The following SPATA16 variants were observed in gnomAD, a reference collection of about 807,000 sequenced individuals.
The protein encoded by SPATA16 is spermatogenesis associated 16, also known as spermatogenesis-associated protein 16.
SPATA16 carries 36 observed loss-of-function variants against 63.3 expected under a neutral mutation model. The observed-to-expected ratio is 0.57, with a 90% CI of 0.44 to 0.75. The LOEUF is 0.75. SPATA16 is among the 30% of genes least tolerant of loss of function. SPATA16 has a pLI of 0.00. For synonymous variants in SPATA16, 203 were observed against 216.7 expected (o/e 0.94, Z 0.56); for missense variants, 646 against 679.3 (o/e 0.95, Z 0.54).
intron 8 of SPATA16, among the ~76,000 whole-genome samples, chr3:172,922,989 G>C (rs115051353): frequency 2.0e-5 from 3 of 152,052 alleles, no homozygotes; most frequent in African/African-American, 7.3e-5. Flanking sequence ...AAAAAACAAA[G>C]AGCTAGGCCA....
intron 4 of SPATA16, among the ~76,000 whole-genome samples, chr3:172,979,134 G>A (rs1734237720): frequency 6.6e-6 from 1 of 152,206 alleles, no homozygotes; most frequent in African/African-American, 2.4e-5. Flanking sequence ...CTACTCGGGA[G>A]GCTGAGGCAG....
intron 4 of SPATA16, among the ~76,000 whole-genome samples, chr3:172,995,531 G>C (rs1165751988): frequency 6.6e-6 from 1 of 151,972 alleles, no homozygotes; most frequent in Non-Finnish European, 1.5e-5. Context: ...GAGATATAAC[G>C]TATAGAAAAA....
intron 2 of SPATA16, among the ~76,000 whole-genome samples, chr3:173,087,000 T>C (rs954663121): frequency 2.6e-5 from 4 of 152,204 alleles, no homozygotes; most frequent in African/African-American, 9.6e-5. Flanking sequence ...AGAATGTATA[T>C]TCTGTTGTTT....
At chr3:173,105,783 TCATC>T (rs1170440307) in intron 2 of SPATA16, among the ~76,000 whole-genome samples, 4 of 143,770 alleles carry the variant, frequency 2.8e-5, no homozygotes, top group African/African-American at 1.0e-4. Flanking sequence ...CTCCCTGTCT[TCATC>T]CCTCCCTCTC....
chr3:173,028,731 T>G (rs1323530847), intron 3 of SPATA16, among the ~76,000 whole-genome samples: 3 of 152,020 alleles, frequency 2.0e-5, no homozygotes, highest in African/African-American at 7.2e-5. Context: ...GCACATAAAA[T>G]TTTGTGCTAA....
intron 10 of SPATA16, among the ~76,000 whole-genome samples, chr3:172,893,065 A>G (rs1731927733): frequency 6.6e-6 from 1 of 152,202 alleles, no homozygotes; most frequent in Admixed American, 6.5e-5. Context: ...CATATCAAAG[A>G]GTAAGGAAAT....
At chr3:173,049,961 T>C (rs1180599143) in intron 2 of SPATA16, among the ~76,000 whole-genome samples, 1 of 152,118 alleles carries the variant, frequency 6.6e-6, no homozygotes, top group Non-Finnish European at 1.5e-5. Context: ...TATCGCCTTT[T>C]TGCTCTTTTC....
intron 1 of SPATA16, among the ~76,000 whole-genome samples, chr3:173,128,586 C>G (rs945257816): frequency 1.3e-5 from 2 of 152,150 alleles, no homozygotes. Context: ...ACCAGAGGTT[C>G]ACATCATGCA....
chr3:172,896,788 G>A (rs1293268245), intron 10 of SPATA16, among the ~76,000 whole-genome samples: 1 of 151,604 alleles, frequency 6.6e-6, no homozygotes. Context: ...AAATTGGATC[G>A]GCTTTTTTTT....
chr3:173,088,068 T>TTCTTTCTG (rs1560118934), intron 2 of SPATA16, among the ~76,000 whole-genome samples: 3 of 130,736 alleles, frequency 2.3e-5, no homozygotes, highest in African/African-American at 5.9e-5. Flanking sequence ...CTTTCTTTCT[T>TTCTTTCTG]TCTTTCTTTC....
At chr3:173,138,019 T>C (rs1468214366) in intron 1 of SPATA16, among the ~76,000 whole-genome samples, 1 of 152,178 alleles carries the variant, frequency 6.6e-6, no homozygotes, top group Non-Finnish European at 1.5e-5. Context: ...GTGATTTATA[T>C]CATGTTTTTG....
At chr3:173,059,644 A>G (rs1315989746) in intron 2 of SPATA16, among the ~76,000 whole-genome samples, 1 of 151,614 alleles carries the variant, frequency 6.6e-6, no homozygotes, top group Non-Finnish European at 1.5e-5. Flanking sequence ...CCTTTTTTGC[A>G]TATTTGTTAC....
intron 2 of SPATA16, among the ~76,000 whole-genome samples, chr3:173,107,414 A>C (rs1262711175): frequency 6.6e-6 from 1 of 151,726 alleles, no homozygotes; most frequent in African/African-American, 2.4e-5. Context: ...CCTACAAAAC[A>C]AGGGAACCAC....
chr3:173,006,389 C>G (rs1734946659), intron 4 of SPATA16, among the ~76,000 whole-genome samples: 1 of 152,156 alleles, frequency 6.6e-6, no homozygotes, highest in African/African-American at 2.4e-5. Context: ...TAAAAATTAG[C>G]CAGCCTGTAG....
At chr3:172,919,517 T>C (rs1479906259) in intron 8 of SPATA16, among the ~76,000 whole-genome samples, 1 of 152,186 alleles carries the variant, frequency 6.6e-6, no homozygotes, top group Admixed American at 6.5e-5. Flanking sequence ...AGAATCATTG[T>C]CTGACACATA....
At chr3:172,905,805 G>T (rs1732221002) in intron 10 of SPATA16, among the ~76,000 whole-genome samples, 1 of 152,190 alleles carries the variant, frequency 6.6e-6, no homozygotes, top group Non-Finnish European at 1.5e-5. Context: ...TTGAAGCTTA[G>T]GAGGTACTAT....
At chr3:172,991,819 A>G (rs900645433) in intron 4 of SPATA16, among the ~76,000 whole-genome samples, 1 of 152,216 alleles carries the variant, frequency 6.6e-6, no homozygotes, top group Non-Finnish European at 1.5e-5. Flanking sequence ...AGGGAGCCAG[A>G]TATGGTGAAC....
In SPATA16 at chr3:173,056,224, T is replaced by C. The variant is rs1169726278; in HGVS notation, c.613-7130A>G. Among the ~76,000 whole-genome samples the C allele has an allele frequency of 2.0e-5, 3 of 152,202 alleles. No homozygotes were observed. The East Asian group carries it at 5.8e-4, about 29-fold the overall frequency. On this transcript the variant is annotated intron_variant, in intron 2 of 10. Transcript: ENST00000351008. ...GTTTGCTATAAAATGAGGATTGTGT[T>C]TAGTGATATTCATAGAAGGAAATTG...
At chr3:173,093,076 C>CACACACACACACACAT (rs372317726) in intron 2 of SPATA16, among the ~76,000 whole-genome samples, 1 of 143,980 alleles carries the variant, frequency 6.9e-6, no homozygotes, top group African/African-American at 2.6e-5. Flanking sequence ...CACACACACA[C>CACACACACACACACAT]ATATATATAT....
Sources: gnomAD v4.1 joint callset for allele counts (sites outside exome capture counted in the v4.1 genomes callset) on GRCh38, gnomAD v4.1.1 for gene constraint, MANE v1.5 for transcripts, NCBI Gene and HGNC (gene_info 2026-07-23, HGNC 2026-07-21) for gene names.